Variants in NXPE2 observed in about 807,000 individuals in gnomAD.
NXPE2 encodes the protein neurexophilin and PC-esterase domain family member 2, also known as NXPE family member 2.
A neutral mutation model predicts 34.4 loss-of-function variants in NXPE2; 34 were observed. The ratio of observed to expected loss-of-function variants is 0.99; its 90% CI spans 0.75 to 1.31. The LOEUF (loss-of-function observed/expected upper bound fraction) is 1.31, where lower values mean the gene tolerates loss of function less well. Among genes scored for constraint, NXPE2 ranks in the 40% most tolerant of loss-of-function variants. The pLI, the probability that NXPE2 is intolerant of heterozygous loss-of-function variation, is 0.00. For missense variants in NXPE2, 649 were observed against 672.5 expected, an observed-to-expected ratio of 0.97 and a Z score of 0.39; for synonymous variants, 235 against 231.3, an observed-to-expected ratio of 1.02 and a Z score of -0.15.
chr11:114,695,794 C>T (rs935214323), intron 2 of NXPE2, among the ~76,000 whole-genome samples: 27 of 149,720 alleles, frequency 1.8e-4, no homozygotes, highest in Non-Finnish European at 2.8e-4. Context: ...AGTTCGCGAC[C>T]AGCCTGACCA....
At chr11:114,536,802 C>A in the NXPE2 span, among the ~76,000 whole-genome samples, 5 of 152,072 alleles carry the variant, frequency 3.3e-5, no homozygotes, top group Non-Finnish European at 5.9e-5. Flanking sequence ...AGCTTACCAA[C>A]CAAAAAAAGT....
chr11:114,534,334 A>G, the NXPE2 span, among the ~76,000 whole-genome samples: 1 of 152,204 alleles, frequency 6.6e-6, no homozygotes. Flanking sequence ...AAAGATGGGG[A>G]AAAAACAGAG....
At chr11:114,691,973 C>T (rs114504273) in intron 2 of NXPE2, among the ~76,000 whole-genome samples, 2,527 of 152,302 alleles carry the variant, frequency 0.017, 78 homozygotes, top group African/African-American at 0.055. Flanking sequence ...GCCTCACCAC[C>T]CAGGAGAAAC....
the NXPE2 span, among the ~76,000 whole-genome samples, chr11:114,756,156 T>C: frequency 6.6e-6 from 1 of 152,230 alleles, no homozygotes. Flanking sequence ...TCCTACTCTG[T>C]TATGCCTTTG....
the NXPE2 span, among the ~76,000 whole-genome samples, chr11:114,491,066 A>G: frequency 0.26 from 37,449 of 143,484 alleles, 5,092 homozygotes; most frequent in East Asian, 0.36. Flanking sequence ...GGAGGCTGAG[A>G]CAGGAGAATG....
the NXPE2 span, among the ~76,000 whole-genome samples, chr11:114,742,620 ATTT>A: frequency 7.5e-6 from 1 of 133,702 alleles, no homozygotes; most frequent in Non-Finnish European, 1.6e-5. Flanking sequence ...TTATTCTTGG[ATTT>A]TTTTTTTTTT....
the NXPE2 span, among the ~76,000 whole-genome samples, chr11:114,492,170 TAAATA>T: frequency 6.6e-6 from 1 of 151,804 alleles, no homozygotes; most frequent in Non-Finnish European, 1.5e-5. Flanking sequence ...AATAATAAAA[TAAATA>T]AAATAAAAAC....
chr11:114,544,830 AG>A, the NXPE2 span, among the ~76,000 whole-genome samples: 8 of 152,174 alleles, frequency 5.3e-5, no homozygotes, highest in Admixed American at 2.6e-4. Context: ...TATCAGGTAA[AG>A]GACTTCATCT....
chr11:114,492,722 G>A, the NXPE2 span, among the ~76,000 whole-genome samples: 3 of 152,126 alleles, frequency 2.0e-5, no homozygotes, highest in East Asian at 3.9e-4. Flanking sequence ...TGTATTTTTA[G>A]TAGAGACGGG....
chr11:114,774,740 T>G, the NXPE2 span, among the ~76,000 whole-genome samples: 1 of 152,158 alleles, frequency 6.6e-6, no homozygotes, highest in Non-Finnish European at 1.5e-5. Context: ...CATCTCTTGC[T>G]TTTTCCCTTC....
the NXPE2 span, among the ~76,000 whole-genome samples, chr11:114,642,411 T>C: frequency 1.3e-5 from 2 of 152,104 alleles, no homozygotes; most frequent in East Asian, 1.9e-4. Context: ...CTCCTAATGC[T>C]ATCCCTCCCC....
chr11:114,681,544 T>C (rs754219926), intron 2 of NXPE2, among the ~76,000 whole-genome samples: 5 of 152,178 alleles, frequency 3.3e-5, no homozygotes, highest in Admixed American at 6.6e-5. Flanking sequence ...CAGGTTTTCA[T>C]GTAACTTCCA....
chr11:114,551,020 C>T, the NXPE2 span: 1 of 711,674 alleles, frequency 1.4e-6, no homozygotes, highest in African/African-American at 1.8e-5. Flanking sequence ...AGGGGCAGGA[C>T]TAATGGAGTG....
chr11:114,468,131 TAAA>T, the NXPE2 span, among the ~76,000 whole-genome samples: 40,790 of 135,554 alleles, frequency 0.3, 5,851 homozygotes, highest in East Asian at 0.4. Context: ...GCTGATGAGC[TAAA>T]AAAAAAAAAA....
At chr11:114,739,310 TCCTTCCTTCCTTCCTTCCTTCCTTCCTTC>T in the NXPE2 span, among the ~76,000 whole-genome samples, 12 of 48,552 alleles carry the variant, frequency 2.5e-4, no homozygotes, top group Admixed American at 2.0e-3. Flanking sequence ...CTTCCTTCCT[TCCTTCCTTCCTTCCTTCCTTCCTTCCTTC>T]CCCCCTTCCT....
chr11:114,567,069 G>A, the NXPE2 span, among the ~76,000 whole-genome samples: 3 of 152,170 alleles, frequency 2.0e-5, no homozygotes, highest in Non-Finnish European at 2.9e-5. Flanking sequence ...TCTGGTGGCC[G>A]TGCAGTAGGC....
At chr11:114,618,048 T>C in the NXPE2 span, among the ~76,000 whole-genome samples, 47 of 152,130 alleles carry the variant, frequency 3.1e-4, no homozygotes, top group African/African-American at 1.1e-3. Flanking sequence ...GTAACAACTC[T>C]TACCCTGTGG....
At chr11:114,798,447 A>T in the NXPE2 span, among the ~76,000 whole-genome samples, 27 of 151,922 alleles carry the variant, frequency 1.8e-4, no homozygotes, top group African/African-American at 5.3e-4. Flanking sequence ...GGAGTGCAGC[A>T]ATCTTAGCTC....
chr11:114,607,637 C>T, the NXPE2 span, among the ~76,000 whole-genome samples: 1 of 150,212 alleles, frequency 6.7e-6, no homozygotes, highest in Non-Finnish European at 1.5e-5. Flanking sequence ...TAAGTGTTGC[C>T]TCGCGGTTAA....
Sources: gnomAD v4.1 joint callset for allele counts (sites outside exome capture counted in the v4.1 genomes callset) on GRCh38, gnomAD v4.1.1 for gene constraint, MANE v1.5 for transcripts, NCBI Gene and HGNC (gene_info 2026-07-23, HGNC 2026-07-21) for gene names.